ACER1: variants seen among roughly 807,000 people sequenced by gnomAD.
ACER1 encodes CTB-180A7.3.
Under a neutral mutation model 24.9 loss-of-function variants are expected in ACER1, and 28 were observed. The ratio of observed to expected loss-of-function variants is 1.13; its 90% CI spans 0.83 to 1.54. The LOEUF (loss-of-function observed/expected upper bound fraction) is 1.54, where lower values mean the gene tolerates loss of function less well. Among genes scored for constraint, ACER1 ranks in the 40% most tolerant of loss-of-function variants. The probability of loss-of-function intolerance (pLI) is 0.00; values close to 1 mark genes in which losing one functional copy is unlikely to be tolerated. For synonymous variants in ACER1, 132 were observed against 131.4 expected (o/e 1.00, Z -0.03); for missense variants, 352 against 349.3 (o/e 1.01, Z -0.06).
chr19:6,341,016 C>T, the ACER1 span, among the ~76,000 whole-genome samples: 4 of 152,010 alleles, frequency 2.6e-5, no homozygotes, highest in Admixed American at 1.3e-4. Context: ...GACCTCGTTT[C>T]CTGCCCCGTC....
In ACER1 at chr19:6,307,225, G is replaced by A; in HGVS notation, c.554C>T (p.Thr185Ile). 6.2e-7 allele frequency: 1 copy of A among 1,614,120 alleles called. No individual in the cohort carries two copies. The highest frequency in any genetic ancestry group is 8.5e-7 in the Non-Finnish European group (1 of 1,180,032). ...AAGCAGACGGTCACTGATCCAGCTG[G>A]TCAGAGCAACAGCCCATAAAACCAC... is the stretch of plus-strand genomic sequence containing the variant. ...VSVVLWAVALTSWISDRLLCS... is the reference protein window; with the variant it reads ...VSVVLWAVALISWISDRLLCS... Residue 185 changes from threonine (T) to isoleucine (I), a missense_variant, in exon 5 of 6, where the codon ACC (threonine) becomes ATC (isoleucine). By Grantham distance (89) the Thr-to-Ile change is moderately conservative (BLOSUM62 -1). Coordinates refer to ENST00000301452, the MANE Select transcript of ACER1 (RefSeq NM_133492.3).
the ACER1 span, among the ~76,000 whole-genome samples, chr19:6,346,527 T>C: frequency 1.3e-5 from 2 of 150,248 alleles, no homozygotes; most frequent in Non-Finnish European, 3.0e-5. Context: ...TTCTTTTTTT[T>C]TTTTTTTGAG....
At chr19:6,344,839 T>C in the ACER1 span, among the ~76,000 whole-genome samples, 2 of 151,870 alleles carry the variant, frequency 1.3e-5, no homozygotes, top group African/African-American at 4.8e-5. Flanking sequence ...CAATTTATTT[T>C]ATTTTATTTT....
chr19:6,339,485 T>C, the ACER1 span, among the ~76,000 whole-genome samples: 1 of 151,940 alleles, frequency 6.6e-6, no homozygotes, highest in African/African-American at 2.4e-5. Context: ...AGTGAGTGTT[T>C]CTTGGGGACA....
the ACER1 span, among the ~76,000 whole-genome samples, chr19:6,349,977 A>C: frequency 6.6e-6 from 1 of 152,166 alleles, no homozygotes; most frequent in Non-Finnish European, 1.5e-5. Context: ...CCAAAAATAC[A>C]AAAAGTAGCC....
the ACER1 span, among the ~76,000 whole-genome samples, chr19:6,341,420 G>A: frequency 4.7e-5 from 7 of 149,850 alleles, no homozygotes; most frequent in Admixed American, 2.7e-4. Context: ...AACTTCTCAG[G>A]AAGCTGAGAT....
At chr19:6,314,197 C>T (rs1482641469) in intron 1 of ACER1, among the ~76,000 whole-genome samples, 2 of 150,378 alleles carry the variant, frequency 1.3e-5, no homozygotes, top group African/African-American at 4.9e-5. Flanking sequence ...TGGCCAGGTG[C>T]AGTGGATCAC....
At chr19:6,310,737 G>C (rs997118507) in intron 3 of ACER1, among the ~76,000 whole-genome samples, 2 of 151,660 alleles carry the variant, frequency 1.3e-5, no homozygotes, top group East Asian at 3.9e-4. Flanking sequence ...AAAACTAGCT[G>C]GATGTGGTGG....
At chr19:6,322,642 C>T (rs1394823872) in intron 1 of ACER1, among the ~76,000 whole-genome samples, 1 of 152,148 alleles carries the variant, frequency 6.6e-6, no homozygotes, top group Non-Finnish European at 1.5e-5. Context: ...AACAGAGCAA[C>T]AAGAAAGCAA....
At position 6,318,763 on chromosome 19, in the gene ACER1, G is replaced by A. The variant is rs562388595; in HGVS notation, c.94-6264C>T. On this transcript the variant is annotated intron_variant, in intron 1 of 5. Coordinates refer to ENST00000301452, the MANE Select transcript of ACER1 (RefSeq NM_133492.3). ...ATCGTGCCACTGCACTCCAGCCTGCGCAACAGAGCAAGACTCCGTTTCAAA... is the reference window on the plus strand; with the variant it reads ...ATCGTGCCACTGCACTCCAGCCTGCACAACAGAGCAAGACTCCGTTTCAAA... 4.0e-5 allele frequency among the ~76,000 whole-genome samples: 6 copies of A among 150,776 alleles called. 1 individual carries two copies. The highest frequency in any genetic ancestry group is 4.2e-4 in the South Asian group (2 of 4,778).
intron 1 of ACER1, among the ~76,000 whole-genome samples, chr19:6,325,486 C>G (rs1039225885): frequency 4.6e-5 from 7 of 152,110 alleles, no homozygotes; most frequent in Non-Finnish European, 1.0e-4. Context: ...AACCCTGTCT[C>G]TATTAAAAAT....
the ACER1 span, among the ~76,000 whole-genome samples, chr19:6,351,977 A>C: frequency 6.7e-6 from 1 of 148,292 alleles, no homozygotes; most frequent in Admixed American, 6.8e-5. Context: ...AATGGCGTGA[A>C]CCTGGGTGGC....
chr19:6,319,324 C>T (rs1323589317), intron 1 of ACER1, among the ~76,000 whole-genome samples: 2 of 152,128 alleles, frequency 1.3e-5, no homozygotes. Flanking sequence ...CCCTCCCTGC[C>T]TTCCGGGGCT....
chr19:6,311,512 A>G (rs766717902), intron 3 of ACER1, among the ~76,000 whole-genome samples: 21 of 151,892 alleles, frequency 1.4e-4, no homozygotes, highest in Non-Finnish European at 2.2e-4. Flanking sequence ...ACTGCACTCC[A>G]GTGTGGGTGA....
intron 3 of ACER1, among the ~76,000 whole-genome samples, chr19:6,310,913 A>G (rs926065003): frequency 2.0e-5 from 3 of 151,164 alleles, no homozygotes; most frequent in Admixed American, 6.6e-5. Context: ...GAAGGAGAAG[A>G]AGAAGGTCCT....
upstream of ACER1, among the ~76,000 whole-genome samples, chr19:6,335,906 C>CTT (rs750891225): frequency 4.2e-5 from 6 of 141,582 alleles, no homozygotes; most frequent in East Asian, 1.2e-3. Flanking sequence ...TTTTTCTTTT[C>CTT]TTTTTTTTTT....
the ACER1 span, among the ~76,000 whole-genome samples, chr19:6,355,846 T>TG: frequency 2.2e-4 from 27 of 121,086 alleles, 1 homozygote; most frequent in African/African-American, 6.9e-4. Flanking sequence ...GGGAGGGAGG[T>TG]GGGGGGGTCA....
the ACER1 span, among the ~76,000 whole-genome samples, chr19:6,346,323 G>T: frequency 0.02 from 3,081 of 151,932 alleles, 37 homozygotes; most frequent in Non-Finnish European, 0.031. Context: ...AAAAAAGTTC[G>T]AGAAAAGTTT....
the ACER1 span, among the ~76,000 whole-genome samples, chr19:6,339,033 C>G: frequency 1.3e-5 from 2 of 151,888 alleles, no homozygotes; most frequent in Non-Finnish European, 2.9e-5. Context: ...CCCACCACCA[C>G]GTCGGGCTAA....
Sources: allele counts gnomAD v4.1 joint callset (sites outside exome capture counted in the v4.1 genomes callset), GRCh38; gene constraint gnomAD v4.1.1; transcripts MANE v1.5; gene names NCBI Gene and HGNC (gene_info 2026-07-23, HGNC 2026-07-21).